The following TGIF1 variants were observed in gnomAD, a reference collection of about 807,000 sequenced individuals.
TGIF1 encodes the protein TGFB induced factor homeobox 1.
TGIF1 carries 4 observed loss-of-function variants against 19.3 expected under a neutral mutation model. The ratio of observed to expected loss-of-function variants is 0.21; its 90% CI spans 0.10 to 0.47. The LOEUF is 0.47. Ranked by LOEUF, TGIF1 falls within the 20% of genes least tolerant of loss-of-function variation. The probability of loss-of-function intolerance (pLI) is 0.98; values close to 1 mark genes in which losing one functional copy is unlikely to be tolerated. For missense variants in TGIF1, 275 were observed against 341.4 expected (o/e 0.81, Z 1.53); for synonymous variants, 122 against 129.3 (o/e 0.94, Z 0.38).
chr18:3,441,287 A>G (rs1210408653), intron 2 of TGIF1, among the ~76,000 whole-genome samples: 2 of 152,240 alleles, frequency 1.3e-5, no homozygotes, highest in African/African-American at 4.8e-5. Flanking sequence ...TTTCTAAGAA[A>G]CAAAGTACTT....
chr18:3,442,568 AT>A (rs2082689118), intron 2 of TGIF1, among the ~76,000 whole-genome samples: 2 of 152,174 alleles, frequency 1.3e-5, no homozygotes, highest in South Asian at 2.1e-4. Context: ...TACAAAAAAA[AT>A]CAATACAATA....
upstream of TGIF1, chr18:3,449,381 G>A (rs560199300): frequency 2.7e-4 from 262 of 985,478 alleles, no homozygotes; most frequent in African/African-American, 4.2e-3. Context: ...GCAGGCGCGC[G>A]CCCGGCCGTC....
intron 1 of TGIF1, among the ~76,000 whole-genome samples, chr18:3,416,827 A>C (rs967886875): frequency 1.3e-5 from 2 of 151,890 alleles, no homozygotes; most frequent in Middle Eastern, 3.2e-3. Context: ...ACTACTCAGG[A>C]GGCTGAGGCA....
chr18:3,440,472 T>C lies in TGIF1; in HGVS notation c.-44-15882T>C, dbSNP rs147467346. On this transcript the variant is annotated intron_variant, in intron 2 of 3. Transcript: ENST00000401449. ...TTTGACAGTATTTGTTCTTATTTCT[T>C]GTAAAAGGCAATGAATAGTTGGCTC... 5.3e-5 allele frequency among the ~76,000 whole-genome samples: 8 copies of C among 152,310 alleles called. No homozygotes were observed. In the East Asian group the frequency reaches 1.5e-3, roughly 29 times the overall value.
At chr18:3,421,669 C>T (rs547414189) in intron 2 of TGIF1, among the ~76,000 whole-genome samples, 119 of 151,986 alleles carry the variant, frequency 7.8e-4, no homozygotes, top group African/African-American at 2.8e-3. Context: ...ATCTCGGCCG[C>T]CTAAAGTGTT....
chr18:3,438,718 A>T (rs1598877465), intron 2 of TGIF1, among the ~76,000 whole-genome samples: 2 of 152,216 alleles, frequency 1.3e-5, no homozygotes, highest in East Asian at 3.9e-4. Context: ...TCTCAAAGTG[A>T]GATACTGATT....
chr18:3,447,267 G>A (rs1482462330), upstream of TGIF1, among the ~76,000 whole-genome samples: 2 of 150,714 alleles, frequency 1.3e-5, no homozygotes, highest in Admixed American at 1.3e-4. Flanking sequence ...TTTTACTCAA[G>A]CAATTTCCCA....
At chr18:3,421,704 G>A (rs188063135) in intron 2 of TGIF1, among the ~76,000 whole-genome samples, 4 of 151,712 alleles carry the variant, frequency 2.6e-5, no homozygotes, top group Non-Finnish European at 5.9e-5. Context: ...GAGCCACCGC[G>A]CCCATCTATA....
intron 1 of TGIF1, chr18:3,413,175 G>A (rs183974978): frequency 1.3e-5 from 2 of 152,258 alleles, no homozygotes; most frequent in South Asian, 2.1e-4. Context: ...TCATTGTCTC[G>A]CTAGCATTCT....
intron 2 of TGIF1, among the ~76,000 whole-genome samples, chr18:3,431,477 C>A (rs2082546543): frequency 1.3e-5 from 2 of 151,730 alleles, no homozygotes; most frequent in African/African-American, 2.4e-5. Context: ...ATAATTAAAT[C>A]ATAAATAAAT....
chr18:3,448,701 C>A, upstream of TGIF1: 78 of 619,168 alleles, frequency 1.3e-4, no homozygotes, highest in South Asian at 1.4e-4. Flanking sequence ...TCCACGCATT[C>A]TAGGGGCGGG....
At chr18:3,415,765 T>G (rs11081045) in intron 1 of TGIF1, among the ~76,000 whole-genome samples, 97,510 of 152,048 alleles carry the variant, frequency 0.64, 31,606 homozygotes, top group Admixed American at 0.71. Flanking sequence ...GTGGGGATGT[T>G]GACCAATTTG....
At chr18:3,448,475 G>A (rs2082791721), upstream of TGIF1, 1 of 989,684 alleles carries the variant, frequency 1.0e-6, no homozygotes, top group Non-Finnish European at 1.2e-6. Context: ...GCTCCCGGCA[G>A]TTGCAGGGCA....
At position 3,451,630 on chromosome 18, in the gene TGIF1, G is replaced by A; in HGVS notation, c.16+1125G>A. 2.7e-6 allele frequency: 3 copies of A among 1,104,816 alleles called. No homozygotes were observed. Among genetic ancestry groups the A allele is most frequent in the East Asian group, 5.1e-5 (1 of 19,534 alleles). 68.4% of individuals were successfully genotyped at this position (1,104,816 alleles called of 1,614,324 possible). On this transcript the variant is annotated intron_variant, in intron 1 of 2. Transcript: ENST00000343820. This position sits in a 1 kb window ranked among gnomAD's most constrained non-coding sequence, Gnocchi z 5.4. ...ACCCGGCCCGCTGCGGGGCGTTCCT[G>A]GGGGGTAGCCTCAAGGCCAGCGGGG... is the stretch of plus-strand genomic sequence containing the variant.
intron 2 of TGIF1, among the ~76,000 whole-genome samples, chr18:3,443,589 T>C (rs1427059620): frequency 6.6e-6 from 1 of 152,144 alleles, no homozygotes; most frequent in African/African-American, 2.4e-5. Flanking sequence ...TGAGAACTTT[T>C]TTTTTGAGAT....
intron 2 of TGIF1, among the ~76,000 whole-genome samples, chr18:3,421,615 C>G (rs2082398579): frequency 1.3e-5 from 2 of 151,624 alleles, no homozygotes; most frequent in African/African-American, 4.8e-5. Context: ...TTTCTCCATA[C>G]TGGCCAGGCT....
intron 2 of TGIF1, among the ~76,000 whole-genome samples, chr18:3,442,559 A>G (rs2082688871): frequency 6.6e-6 from 1 of 151,784 alleles, no homozygotes; most frequent in Non-Finnish European, 1.5e-5. Context: ...AAAAGAATAT[A>G]CAAAAAAAAT....
At chr18:3,428,985 G>T (rs1011071863) in intron 2 of TGIF1, among the ~76,000 whole-genome samples, 3 of 152,096 alleles carry the variant, frequency 2.0e-5, no homozygotes, top group Admixed American at 1.3e-4. Context: ...CCCAGGAGGC[G>T]GAGGTTAGAG....
intron 2 of TGIF1, among the ~76,000 whole-genome samples, chr18:3,425,970 T>C (rs1255174398): frequency 6.6e-6 from 1 of 151,180 alleles, no homozygotes. Context: ...TGCCCTGCCC[T>C]GCCCCCGCCC....
Sources: allele counts gnomAD v4.1 joint callset (sites outside exome capture counted in the v4.1 genomes callset), GRCh38; gene constraint gnomAD v4.1.1; non-coding constraint Gnocchi (gnomAD v3.1); transcripts MANE v1.5; gene names NCBI Gene and HGNC (gene_info 2026-07-23, HGNC 2026-07-21).